The following POU2F1 variants were observed in gnomAD, a reference collection of about 807,000 sequenced individuals.
The protein encoded by POU2F1 is POU class 2 homeobox 1.
In POU2F1, 16 loss-of-function variants were observed where a neutral mutation model predicts 84.9. The observed-to-expected ratio is 0.19, with a 90% confidence interval of 0.13 to 0.29. POU2F1 has a LOEUF of 0.29. POU2F1 is among the 10% of genes least tolerant of loss of function. The probability of loss-of-function intolerance (pLI) is 1.00; values close to 1 mark genes in which losing one functional copy is unlikely to be tolerated. For missense variants in POU2F1, 738 were observed against 942.6 expected, an observed-to-expected ratio of 0.78 and a Z score of 2.84; for synonymous variants, 368 against 368.3, an observed-to-expected ratio of 1.00 and a Z score of 0.01.
chr1:167,279,855 A>C (rs1371860976), intron 1 of POU2F1, among the ~76,000 whole-genome samples: 1 of 152,148 alleles, frequency 6.6e-6, no homozygotes, highest in Non-Finnish European at 1.5e-5. Context: ...ATTCATGGAA[A>C]CTATGTTTGG....
chr1:167,278,263 GA>G (rs1652878144), intron 1 of POU2F1, among the ~76,000 whole-genome samples: 1 of 152,122 alleles, frequency 6.6e-6, no homozygotes, highest in African/African-American at 2.4e-5. Flanking sequence ...TGTTTCTATA[GA>G]AAAAGTGATT....
At chr1:167,390,276 C>G (rs542010154) in intron 9 of POU2F1, among the ~76,000 whole-genome samples, 4 of 152,246 alleles carry the variant, frequency 2.6e-5, no homozygotes, top group Admixed American at 2.6e-4. Context: ...TAATGTTAGT[C>G]TAGAAGCTTT....
At chr1:167,347,015 T>C (rs1256995239) in intron 2 of POU2F1, among the ~76,000 whole-genome samples, 1 of 152,198 alleles carries the variant, frequency 6.6e-6, no homozygotes, top group Non-Finnish European at 1.5e-5. Context: ...CTTTTAGCTA[T>C]TATTTATGTC....
intron 2 of POU2F1, among the ~76,000 whole-genome samples, chr1:167,346,611 G>A (rs1020664545): frequency 6.6e-5 from 10 of 152,040 alleles, no homozygotes; most frequent in Admixed American, 3.3e-4. Flanking sequence ...TAGATCCCTC[G>A]CATACACTGT....
intron 2 of POU2F1, among the ~76,000 whole-genome samples, chr1:167,361,969 T>C (rs548290910): frequency 6.6e-6 from 1 of 152,238 alleles, no homozygotes; most frequent in Admixed American, 6.6e-5. Context: ...GTGCTCCTAT[T>C]ATGTCTCCTA....
rs770466520 is a variant in POU2F1, at chr1:167,427,171, C to CT, written c.*11362dup. On this transcript the variant is annotated 3_prime_UTR_variant, in exon 16 of 16. Coordinates refer to ENST00000367866, the MANE Select transcript of POU2F1 (RefSeq NM_002697.4). Reference sequence around the variant, plus strand: ...CCCCTCCTAGGGCTGCCTGCAGGGGCTGTAGGCTTGGGAAAGATTGTGTAG... The same window carrying CT: ...CCCCTCCTAGGGCTGCCTGCAGGGGCTTGTAGGCTTGGGAAAGATTGTGTAG... The CT allele has an allele frequency of 3.3e-5, 5 of 152,082 alleles. No individual in the cohort carries two copies. Among genetic ancestry groups the CT allele is most frequent in the Non-Finnish European group, 5.9e-5 (4 of 68,016 alleles). The allele number at this position is 152,082 out of a possible 1,614,324, so 9.4% of individuals were successfully genotyped here. A position where few individuals can be genotyped will look rare whatever the true frequency, so the allele number is the denominator to read the frequency against.
chr1:167,311,567 T>G (rs1655472311), intron 1 of POU2F1, among the ~76,000 whole-genome samples: 1 of 152,176 alleles, frequency 6.6e-6, no homozygotes, highest in Non-Finnish European at 1.5e-5. Flanking sequence ...TAGGTTATAA[T>G]GGAACTGAAA....
chr1:167,286,644 C>T (rs1056760604), intron 1 of POU2F1, among the ~76,000 whole-genome samples: 5 of 152,052 alleles, frequency 3.3e-5, no homozygotes, highest in African/African-American at 1.2e-4. Flanking sequence ...AAAATCAGGG[C>T]AGAGAAATAG....
intron 1 of POU2F1, among the ~76,000 whole-genome samples, chr1:167,311,765 A>C (rs1655488491): frequency 7.5e-6 from 1 of 133,496 alleles, no homozygotes; most frequent in Non-Finnish European, 1.6e-5. Flanking sequence ...GGTTATTACA[A>C]AAAATCATTT....
At chr1:167,258,581 AC>A (rs112463040) in intron 1 of POU2F1, among the ~76,000 whole-genome samples, 10,026 of 152,286 alleles carry the variant, frequency 0.066, 1,050 homozygotes, top group African/African-American at 0.23. Flanking sequence ...ACACATGTGT[AC>A]ACAGGAGGAC....
chr1:167,415,430 GTT>G, intron 15 of POU2F1, 68 bp from the exon 16 acceptor site: 1 of 1,495,004 alleles, frequency 6.7e-7, no homozygotes, highest in Non-Finnish European at 9.1e-7. Flanking sequence ...CTTTTGATGT[GTT>G]ATTTGGCTTC....
intron 1 of POU2F1, among the ~76,000 whole-genome samples, chr1:167,270,808 A>C (rs769956158): frequency 6.6e-6 from 1 of 152,134 alleles, no homozygotes; most frequent in Non-Finnish European, 1.5e-5. Context: ...AGAGATGGAG[A>C]GTGAAATTTC....
intron 1 of POU2F1, among the ~76,000 whole-genome samples, chr1:167,228,939 A>G (rs1648851829): frequency 6.6e-6 from 1 of 152,186 alleles, no homozygotes; most frequent in African/African-American, 2.4e-5. Context: ...AAGCGTTACT[A>G]TACCCATTTT....
chr1:167,384,266 G>A (rs1647791800), intron 8 of POU2F1, among the ~76,000 whole-genome samples: 1 of 152,102 alleles, frequency 6.6e-6, no homozygotes, highest in African/African-American at 2.4e-5. Context: ...GAAACCTAGT[G>A]AGCCTCAGTT....
At chr1:167,338,394 T>A (rs1159911153) in intron 2 of POU2F1, 1 of 360,478 alleles carries the variant, frequency 2.8e-6, no homozygotes, top group Non-Finnish European at 5.4e-6. Context: ...AGTAGGCTAT[T>A]AGTATTTGAG....
intron 3 of POU2F1, among the ~76,000 whole-genome samples, chr1:167,369,554 A>G (rs1659878615): frequency 6.6e-6 from 1 of 152,186 alleles, no homozygotes; most frequent in South Asian, 2.1e-4. Context: ...CATAACCATG[A>G]TTTGAACTTT....
intron 1 of POU2F1, among the ~76,000 whole-genome samples, chr1:167,317,062 C>A (rs962193477): frequency 6.6e-6 from 1 of 151,952 alleles, no homozygotes; most frequent in Non-Finnish European, 1.5e-5. Context: ...TGACTAAATT[C>A]TTGTATTTTT....
intron 2 of POU2F1, among the ~76,000 whole-genome samples, chr1:167,359,812 G>GTT (rs34385360): frequency 2.3e-5 from 3 of 132,740 alleles, no homozygotes; most frequent in African/African-American, 5.5e-5. Flanking sequence ...TGTGTACGTG[G>GTT]TTTTTTTTTT....
At chr1:167,223,789 T>C (rs1041745887) in intron 1 of POU2F1, among the ~76,000 whole-genome samples, 4 of 152,088 alleles carry the variant, frequency 2.6e-5, no homozygotes, top group Admixed American at 6.5e-5. Context: ...TTCAGAGACC[T>C]GAAGTATGAG....
Sources: allele counts gnomAD v4.1 joint callset (sites outside exome capture counted in the v4.1 genomes callset), GRCh38; gene constraint gnomAD v4.1.1; transcripts MANE v1.5; gene names NCBI Gene and HGNC (gene_info 2026-07-23, HGNC 2026-07-21).